The following CDKL2 variants were observed in gnomAD, a reference collection of about 807,000 sequenced individuals.
CDKL2 encodes the protein cyclin dependent kinase like 2.
Under a neutral mutation model 63.9 loss-of-function variants are expected in CDKL2, and 64 were observed. The ratio of observed to expected loss-of-function variants is 1.00; its 90% CI spans 0.82 to 1.23. The LOEUF is 1.23. Among genes scored for constraint, CDKL2 ranks in the 50% most tolerant of loss-of-function variants. CDKL2 has a pLI of 0.00. For missense variants in CDKL2, 656 were observed against 668.0 expected, an observed-to-expected ratio of 0.98 and a Z score of 0.20; for synonymous variants, 211 against 229.2, an observed-to-expected ratio of 0.92 and a Z score of 0.72.
Position 75,599,548 on chromosome 4 carries a change from C to CAAAA in CDKL2, c.884+729_884+732dup, listed in dbSNP as rs71657365. Among the ~76,000 whole-genome samples the CAAAA allele has an allele frequency of 5.0e-3, 350 of 69,584 alleles. 19 individuals are homozygous for CAAAA. The highest frequency in any genetic ancestry group is 0.014 in the East Asian group (30 of 2,072). 45.6% of individuals were successfully genotyped at this position (69,584 alleles called of 152,430 possible). On this transcript the variant is annotated intron_variant, in intron 7 of 13. Coordinates refer to ENST00000307465, the MANE Select transcript of CDKL2 (RefSeq NM_001330724.2). ...TGCACTCCAGCCTGGGCAACAAGAG[C>CAAAA]AAAAAAAAAAAAAAAAAAAAAAGAA...
Position 75,614,378 on chromosome 4 carries a change from A to G in CDKL2, c.240T>C (p.Phe80=), listed in dbSNP as rs752615339. The change falls in exon 3 of 14, where the codon TTT becomes TTC. Residue 80 remains phenylalanine, a synonymous_variant. Coordinates refer to ENST00000307465, the MANE Select transcript of CDKL2 (RefSeq NM_001330724.2). ...CAAGAATTGTGTGGTCAACAAATTC[A>G]AAGACTAGGTACCATCGTTTTTTTT... is the stretch of plus-strand genomic sequence containing the variant. ...CKKKKRWYLV[F]EFVDHTILDD... is the part of the protein sequence containing the mutation. 6.2e-7 allele frequency: 1 copy of G among 1,611,502 alleles called. No homozygotes were observed. The highest frequency in any genetic ancestry group is 8.5e-7 in the Non-Finnish European group (1 of 1,178,682).
At chr4:75,598,794 C>T (rs1465512521) in intron 7 of CDKL2, among the ~76,000 whole-genome samples, 2 of 151,932 alleles carry the variant, frequency 1.3e-5, no homozygotes, top group African/African-American at 4.8e-5. Context: ...ATTTGTGATA[C>T]AAACTAAACT....
At chr4:75,580,891 G>A (rs972956279) in intron 13 of CDKL2, among the ~76,000 whole-genome samples, 9 of 150,952 alleles carry the variant, frequency 6.0e-5, no homozygotes, top group Non-Finnish European at 4.4e-5. Context: ...TAGTAGAGAC[G>A]GGGTTTCACC....
At position 75,581,923 on chromosome 4, in the gene CDKL2, T is replaced by C. The variant is rs766924896; in HGVS notation, c.1648-25A>G. ...CCTATAAATTAATAATAGAGCATCA[T>C]AGGTTCTCAGTAATTGCAAAAGTTC... On this transcript the variant is annotated intron_variant, in intron 12 of 13. Transcript: ENST00000307465. The C allele has an allele frequency of 9.2e-5, 141 of 1,532,290 alleles. 1 individual carries two copies. Among genetic ancestry groups the C allele is most frequent in the Admixed American group, 1.4e-4 (8 of 59,008 alleles). 94.9% of individuals were successfully genotyped at this position (1,532,290 alleles called of 1,614,324 possible).
chr4:75,592,083 TG>T, intron 11 of CDKL2, 62 bp downstream of exon 11: 1 of 1,439,708 alleles, frequency 6.9e-7, no homozygotes, highest in South Asian at 1.4e-5. Flanking sequence ...TTTTAAATTC[TG>T]TCTAACATAC....
chr4:75,588,070 C>A (rs189948581), intron 12 of CDKL2, among the ~76,000 whole-genome samples: 1 of 151,530 alleles, frequency 6.6e-6, no homozygotes, highest in Admixed American at 6.6e-5. Context: ...CAAAATTAGC[C>A]GGGCGTGGTG....
intron 6 of CDKL2, among the ~76,000 whole-genome samples, chr4:75,603,192 G>T (rs1729274948): frequency 6.9e-6 from 1 of 145,194 alleles, no homozygotes; most frequent in Non-Finnish European, 1.5e-5. Flanking sequence ...AGTAGAGACG[G>T]GGTTTCACCT....
At chr4:75,620,847 T>C (rs1433858515) in intron 2 of CDKL2, among the ~76,000 whole-genome samples, 2 of 152,134 alleles carry the variant, frequency 1.3e-5, no homozygotes, top group African/African-American at 4.8e-5. Context: ...GTCCTCAAGC[T>C]ATCAGTAGTA....
At chr4:75,625,781 T>C (rs925757033) in intron 2 of CDKL2, 40 bp downstream of exon 2, 1 of 1,479,706 alleles carries the variant, frequency 6.8e-7, no homozygotes, top group Admixed American at 2.0e-5. Flanking sequence ...AAAAGAAACT[T>C]ATACTCATAT....
At chr4:75,616,980 G>C (rs1309186852) in intron 2 of CDKL2, among the ~76,000 whole-genome samples, 1 of 152,028 alleles carries the variant, frequency 6.6e-6, no homozygotes, top group Non-Finnish European at 1.5e-5. Flanking sequence ...AGAAGGGAGA[G>C]GACCAGGAAA....
At chr4:75,596,009 G>GAAGA in intron 10 of CDKL2, 1 of 150,632 alleles carries the variant, frequency 6.6e-6, no homozygotes, top group East Asian at 7.1e-5. Flanking sequence ...AGGAAGGAAG[G>GAAGA]AAGGAAGGAA....
chr4:75,609,215 C>A (rs1729566151), intron 3 of CDKL2, among the ~76,000 whole-genome samples: 1 of 151,942 alleles, frequency 6.6e-6, no homozygotes, highest in African/African-American at 2.4e-5. Flanking sequence ...ATTCATCAGG[C>A]AATTAGAAAT....
intron 3 of CDKL2, among the ~76,000 whole-genome samples, chr4:75,613,124 C>CAAAAAA (rs143485625): frequency 0.16 from 23,148 of 142,158 alleles, 2,380 homozygotes; most frequent in African/African-American, 0.3. Context: ...GACTCCGTTT[C>CAAAAAA]AAAAAAAAAT....
chr4:75,610,297 C>T (rs1729634660), intron 3 of CDKL2, among the ~76,000 whole-genome samples: 1 of 152,108 alleles, frequency 6.6e-6, no homozygotes, highest in Non-Finnish European at 1.5e-5. Flanking sequence ...ATAGACAACT[C>T]AATCTTTCTA....
chr4:75,618,965 C>G (rs1410936308), intron 2 of CDKL2, among the ~76,000 whole-genome samples: 2 of 152,206 alleles, frequency 1.3e-5, no homozygotes, highest in Non-Finnish European at 2.9e-5. Context: ...CTCCATGTAC[C>G]TGTCAGAAGC....
chr4:75,588,599 C>A (rs1004527172), intron 12 of CDKL2, among the ~76,000 whole-genome samples: 1 of 152,194 alleles, frequency 6.6e-6, no homozygotes, highest in Middle Eastern at 3.4e-3. Flanking sequence ...TTAGAGGTAT[C>A]TTTGTAGATT....
chr4:75,596,633 C>T (rs1365629024), intron 9 of CDKL2, among the ~76,000 whole-genome samples: 3 of 152,214 alleles, frequency 2.0e-5, no homozygotes, highest in Admixed American at 1.3e-4. Flanking sequence ...GCAGCAGCAG[C>T]CACTCAAAAA....
chr4:75,622,658 C>T (rs530178345), intron 2 of CDKL2, among the ~76,000 whole-genome samples: 1 of 123,138 alleles, frequency 8.1e-6, no homozygotes, highest in African/African-American at 3.1e-5. Context: ...GTAGAAGTTG[C>T]AGCGAGACGA....
rs1189501148 is a variant in CDKL2, at chr4:75,607,178, C to T, written c.542+5G>A. ...ATCTACTCCTCCCCATTACTGATGT[C>T]TTACTTGCCATACTTGACATCACCA... On this transcript the variant is annotated splice_donor_5th_base_variant and intron_variant, in intron 4 of 13. Coordinates refer to ENST00000307465, the MANE Select transcript of CDKL2 (RefSeq NM_001330724.2). The T allele has an allele frequency of 1.2e-6, 2 of 1,602,878 alleles. No individual in the cohort carries two copies. Among genetic ancestry groups the T allele is most frequent in the Admixed American group, 3.4e-5 (2 of 58,684 alleles).
Sources: gnomAD v4.1 joint callset for allele counts (sites outside exome capture counted in the v4.1 genomes callset) on GRCh38, gnomAD v4.1.1 for gene constraint, MANE v1.5 for transcripts, NCBI Gene and HGNC (gene_info 2026-07-23, HGNC 2026-07-21) for gene names.